Variants in NRG3 observed in about 807,000 individuals in gnomAD.
NRG3 encodes neuregulin 3.
Under a neutral mutation model 66.9 loss-of-function variants are expected in NRG3, and 31 were observed. That is an observed-to-expected ratio of 0.46 (90% confidence interval 0.35 to 0.63). The LOEUF (loss-of-function observed/expected upper bound fraction) is 0.63. Ranked by LOEUF, NRG3 falls within the 20% of genes least tolerant of loss-of-function variation. The probability of loss-of-function intolerance (pLI) is 0.00; values close to 1 mark genes in which losing one functional copy is unlikely to be tolerated. For missense variants in NRG3, 910 were observed against 878.9 expected (o/e 1.04, Z -0.45); for synonymous variants, 393 against 359.4 (o/e 1.09, Z -1.06).
At chr10:82,061,043 G>T (rs73318369) in intron 1 of NRG3, among the ~76,000 whole-genome samples, 3 of 152,130 alleles carry the variant, frequency 2.0e-5, no homozygotes, top group Admixed American at 1.3e-4. Flanking sequence ...GTATTGTTTT[G>T]GTTTGGTTTC....
intron 3 of NRG3, among the ~76,000 whole-genome samples, chr10:82,825,224 A>G (rs998440943): frequency 2.0e-5 from 3 of 152,220 alleles, no homozygotes; most frequent in Admixed American, 2.0e-4. Context: ...TTGGTGTTAT[A>G]TCTAAAAAAT....
At chr10:82,893,893 G>C (rs182911640) in intron 4 of NRG3, among the ~76,000 whole-genome samples, 2 of 152,060 alleles carry the variant, frequency 1.3e-5, no homozygotes, top group Non-Finnish European at 2.9e-5. Context: ...AACTGATAAA[G>C]AATAGAAGGA....
intron 2 of NRG3, among the ~76,000 whole-genome samples, chr10:82,552,511 A>G (rs1355637968): frequency 6.6e-6 from 1 of 152,118 alleles, no homozygotes; most frequent in African/African-American, 2.4e-5. Flanking sequence ...AGTACTTTAT[A>G]TGTATTATTC....
chr10:81,932,989 A>T (rs1211188777), intron 1 of NRG3, among the ~76,000 whole-genome samples: 1 of 151,780 alleles, frequency 6.6e-6, no homozygotes, highest in Non-Finnish European at 1.5e-5. Flanking sequence ...GGCACCTGTA[A>T]TCCCAGCTAC....
At chr10:82,132,500 T>TGATATATATATG (rs1564593582) in intron 1 of NRG3, among the ~76,000 whole-genome samples, 3 of 46,916 alleles carry the variant, frequency 6.4e-5, no homozygotes, top group Non-Finnish European at 1.1e-4. Flanking sequence ...ATGATATATA[T>TGATATATATATG]ATATCATATA....
intron 1 of NRG3, among the ~76,000 whole-genome samples, chr10:81,943,411 T>G (rs1015820120): frequency 2.0e-5 from 3 of 152,206 alleles, no homozygotes; most frequent in Non-Finnish European, 2.9e-5. Flanking sequence ...GGGTTGTATG[T>G]GCCATCTTTA....
At chr10:82,186,607 G>T (rs2073825176) in intron 1 of NRG3, among the ~76,000 whole-genome samples, 1 of 152,148 alleles carries the variant, frequency 6.6e-6, no homozygotes, top group African/African-American at 2.4e-5. Context: ...ACCCCTCATT[G>T]TACAGATGAG....
chr10:81,994,453 T>A lies in NRG3; in HGVS notation c.823+118290T>A, dbSNP rs575342621. Among the ~76,000 whole-genome samples the A allele has an allele frequency of 2.0e-5, 3 of 152,276 alleles. No individual in the cohort carries two copies. The South Asian group carries it at 6.2e-4, about 32-fold the overall frequency. On this transcript the variant is annotated intron_variant, in intron 1 of 8. Coordinates refer to ENST00000372141, the MANE Select transcript of NRG3 (RefSeq NM_001010848.4). ...TTACCGTATTTAACAAGGTTCCCAG[T>A]TTATCCTCTCTTCTTTTAAACCTGA...
At chr10:82,947,106 T>G (rs1183904194) in intron 4 of NRG3, among the ~76,000 whole-genome samples, 1 of 152,174 alleles carries the variant, frequency 6.6e-6, no homozygotes, top group East Asian at 1.9e-4. Context: ...TTGTAATCTC[T>G]CCTATCAGTC....
At chr10:82,953,995 A>G (rs1295600994) in intron 5 of NRG3, among the ~76,000 whole-genome samples, 1 of 151,366 alleles carries the variant, frequency 6.6e-6, no homozygotes, top group Non-Finnish European at 1.5e-5. Flanking sequence ...TGTAAAGGGC[A>G]TAGCAAAGTG....
intron 1 of NRG3, among the ~76,000 whole-genome samples, chr10:82,048,501 T>G (rs1013397010): frequency 5.3e-5 from 8 of 151,490 alleles, no homozygotes; most frequent in Non-Finnish European, 1.2e-4. Context: ...GAATGACTAC[T>G]GGGTACATAA....
intron 1 of NRG3, among the ~76,000 whole-genome samples, chr10:81,979,945 CAAG>C (rs2060272798): frequency 6.6e-6 from 1 of 152,158 alleles, no homozygotes; most frequent in East Asian, 1.9e-4. Flanking sequence ...AACAAAAAAT[CAAG>C]AAGACCACAG....
chr10:82,131,918 A>C (rs1454378944), intron 1 of NRG3, among the ~76,000 whole-genome samples: 2 of 152,054 alleles, frequency 1.3e-5, no homozygotes, highest in African/African-American at 4.8e-5. Flanking sequence ...GTTTATCAGT[A>C]GTAATAGTTT....
intron 2 of NRG3, among the ~76,000 whole-genome samples, chr10:82,471,147 C>G (rs1841215743): frequency 1.3e-5 from 2 of 152,122 alleles, no homozygotes; most frequent in African/African-American, 4.8e-5. Flanking sequence ...GTGAGAAGGG[C>G]AGGCTTTATT....
At chr10:82,427,506 G>A (rs1196984304) in intron 2 of NRG3, among the ~76,000 whole-genome samples, 1 of 152,098 alleles carries the variant, frequency 6.6e-6, no homozygotes, top group Non-Finnish European at 1.5e-5. Flanking sequence ...TGGATATTAA[G>A]ACAACCATAA....
chr10:82,154,472 T>C (rs1404187213), intron 1 of NRG3, among the ~76,000 whole-genome samples: 2 of 152,018 alleles, frequency 1.3e-5, no homozygotes, highest in Non-Finnish European at 2.9e-5. Context: ...TGTGCTATTA[T>C]AGCTTTGTAA....
intron 1 of NRG3, among the ~76,000 whole-genome samples, chr10:82,272,616 C>G (rs539008935): frequency 6.2e-4 from 95 of 152,136 alleles, no homozygotes; most frequent in African/African-American, 2.1e-3. Context: ...ACAGGGTTTA[C>G]GCCTTTCTAC....
At chr10:81,950,477 G>A (rs75186028) in intron 1 of NRG3, among the ~76,000 whole-genome samples, 4,645 of 152,266 alleles carry the variant, frequency 0.031, 98 homozygotes, top group Non-Finnish European at 0.05. Context: ...GAAAAGTAGG[G>A]ATTCCTGTGA....
chr10:82,603,906 G>C (rs548408186), intron 2 of NRG3, among the ~76,000 whole-genome samples: 22 of 152,076 alleles, frequency 1.4e-4, no homozygotes, highest in Non-Finnish European at 2.9e-4. Flanking sequence ...CCTTTTTAAA[G>C]CAATTTTAGG....
Sources: allele counts gnomAD v4.1 joint callset (sites outside exome capture counted in the v4.1 genomes callset), GRCh38; gene constraint gnomAD v4.1.1; transcripts MANE v1.5; gene names NCBI Gene and HGNC (gene_info 2026-07-23, HGNC 2026-07-21).